Variants in CDH12 observed in about 807,000 individuals in gnomAD.
CDH12 encodes cadherin-12.
Under a neutral mutation model 74.1 loss-of-function variants are expected in CDH12, and 41 were observed. The ratio of observed to expected loss-of-function variants is 0.55; its 90% confidence interval spans 0.43 to 0.72. The LOEUF (loss-of-function observed/expected upper bound fraction) is 0.72, where lower values mean the gene tolerates loss of function less well. Ranked by LOEUF, CDH12 falls within the 30% of genes least tolerant of loss-of-function variation. The pLI, the probability that CDH12 is intolerant of heterozygous loss-of-function variation, is 0.00. For missense variants in CDH12, 945 were observed against 977.2 expected (o/e 0.97, Z 0.44); for synonymous variants, 399 against 355.0 (o/e 1.12, Z -1.39).
chr5:22,499,696 G>C (rs1747256244), intron 2 of CDH12, among the ~76,000 whole-genome samples: 2 of 152,132 alleles, frequency 1.3e-5, no homozygotes, highest in East Asian at 3.9e-4. Context: ...ATGGGGTGTA[G>C]AATAGGGTAT....
intron 5 of CDH12, among the ~76,000 whole-genome samples, chr5:22,028,891 A>G (rs1348367326): frequency 6.6e-6 from 1 of 152,240 alleles, no homozygotes; most frequent in Non-Finnish European, 1.5e-5. Flanking sequence ...CCAAAACAGC[A>G]TGGTACTGGT....
chr5:22,288,360 C>T (rs1737244984), intron 3 of CDH12, among the ~76,000 whole-genome samples: 1 of 152,052 alleles, frequency 6.6e-6, no homozygotes, highest in African/African-American at 2.4e-5. Context: ...ATGTTAATAG[C>T]ATTACATATC....
At chr5:22,151,733 T>C (rs2150310072) in intron 4 of CDH12, 1 of 152,260 alleles carries the variant, frequency 6.6e-6, no homozygotes, top group East Asian at 1.9e-4. Context: ...ATTCAGGCTT[T>C]TAAAAAAATA....
chr5:21,984,618 T>TC (rs1387552610), intron 5 of CDH12, among the ~76,000 whole-genome samples: 2 of 152,154 alleles, frequency 1.3e-5, no homozygotes, highest in Non-Finnish European at 2.9e-5. Flanking sequence ...TGCCACTCCC[T>TC]CCCATCAGAA....
intron 5 of CDH12, among the ~76,000 whole-genome samples, chr5:21,982,717 T>A (rs1270167555): frequency 6.6e-6 from 1 of 152,022 alleles, no homozygotes; most frequent in Admixed American, 6.6e-5. Context: ...ATAAGCCTTC[T>A]AAGTTTTGTC....
At chr5:22,056,918 TA>T (rs1464275134) in intron 5 of CDH12, among the ~76,000 whole-genome samples, 1 of 152,164 alleles carries the variant, frequency 6.6e-6, no homozygotes, top group Admixed American at 6.6e-5. Flanking sequence ...TATTTTTTTT[TA>T]GAGGACCCAT....
chr5:22,613,303 T>C (rs1423161779), intron 1 of CDH12, among the ~76,000 whole-genome samples: 3 of 152,154 alleles, frequency 2.0e-5, no homozygotes, highest in Admixed American at 2.0e-4. Context: ...ATAATTTTTA[T>C]AAATGTAGTG....
chr5:22,692,096 A>G (rs1271290327), intron 1 of CDH12, among the ~76,000 whole-genome samples: 2 of 152,160 alleles, frequency 1.3e-5, no homozygotes, highest in Non-Finnish European at 2.9e-5. Flanking sequence ...TGAATAAATT[A>G]GTGCAGTAGT....
chr5:22,718,436 G>A, intron 1 of CDH12, among the ~76,000 whole-genome samples: 1 of 152,294 alleles, frequency 6.6e-6, no homozygotes, highest in African/African-American at 2.4e-5. Context: ...TTGTTTCCAT[G>A]TCACTGAGCT....
intron 5 of CDH12, among the ~76,000 whole-genome samples, chr5:22,020,006 G>A (rs1337634157): frequency 1.3e-5 from 2 of 152,120 alleles, no homozygotes; most frequent in Admixed American, 6.6e-5. Context: ...CATAGCATTG[G>A]AGACGAAAAA....
intron 1 of CDH12, among the ~76,000 whole-genome samples, chr5:22,785,058 G>A (rs765373717): frequency 7.2e-5 from 11 of 152,038 alleles, no homozygotes; most frequent in Non-Finnish European, 1.5e-4. Flanking sequence ...CTAACAAATC[G>A]AAGGAAGGAG....
At chr5:22,153,058 C>T (rs1272873626) in intron 4 of CDH12, among the ~76,000 whole-genome samples, 1 of 152,046 alleles carries the variant, frequency 6.6e-6, no homozygotes. Context: ...GAGGACGATG[C>T]TCCAGTGAGC....
intron 3 of CDH12, among the ~76,000 whole-genome samples, chr5:22,374,485 A>C (rs1435891804): frequency 1.3e-5 from 2 of 152,148 alleles, no homozygotes; most frequent in African/African-American, 4.8e-5. Flanking sequence ...AAAGATATAA[A>C]AGTCATCCAA....
At chr5:22,503,963 A>C (rs6885252) in intron 2 of CDH12, among the ~76,000 whole-genome samples, 1,938 of 152,154 alleles carry the variant, frequency 0.013, 31 homozygotes, top group African/African-American at 0.044. Flanking sequence ...CTTTTATAGG[A>C]ATTAAATTCA....
intron 7 of CDH12, among the ~76,000 whole-genome samples, chr5:21,853,650 C>A (rs1191931669): frequency 6.6e-6 from 1 of 151,606 alleles, no homozygotes; most frequent in Admixed American, 6.6e-5. Flanking sequence ...ATATCTAATT[C>A]GTATACCAGA....
At chr5:22,500,114 G>A (rs1747274505) in intron 2 of CDH12, among the ~76,000 whole-genome samples, 1 of 152,136 alleles carries the variant, frequency 6.6e-6, no homozygotes, top group East Asian at 1.9e-4. Flanking sequence ...GAATACTGGG[G>A]AAATTAACAG....
chr5:22,640,168 C>T (rs1739071794), intron 1 of CDH12, among the ~76,000 whole-genome samples: 1 of 152,042 alleles, frequency 6.6e-6, no homozygotes, highest in Admixed American at 6.6e-5. Context: ...TTAAATTTTG[C>T]CCTGAAGTTC....
Position 22,716,038 on chromosome 5 carries a change from G to T in CDH12, c.-523+137020C>A, listed in dbSNP as rs377427351. ...TGTAATCTCAGCTACTTGGGAAGCT[G>T]AGGCAGGAGAATTGCTTGAACCTGG... On this transcript the variant is annotated intron_variant, in intron 1 of 14. Transcript: ENST00000382254. 1.8e-4 allele frequency among the ~76,000 whole-genome samples: 28 copies of T among 152,124 alleles called. No individual in the cohort carries two copies. In the South Asian group the frequency reaches 2.7e-3, roughly 15 times the overall value.
chr5:22,179,998 G>A (rs1749547582), intron 4 of CDH12, among the ~76,000 whole-genome samples: 1 of 152,114 alleles, frequency 6.6e-6, no homozygotes, highest in Non-Finnish European at 1.5e-5. Flanking sequence ...AGCCTAACAT[G>A]GAAGATCATG....
Sources: gnomAD v4.1 joint callset for allele counts (sites outside exome capture counted in the v4.1 genomes callset) on GRCh38, gnomAD v4.1.1 for gene constraint, MANE v1.5 for transcripts, NCBI Gene and HGNC (gene_info 2026-07-23, HGNC 2026-07-21) for gene names.